The following KCNH8 variants were observed in gnomAD, a reference collection of about 807,000 sequenced individuals.
KCNH8 encodes the protein potassium voltage-gated channel subfamily H member 8.
In KCNH8, 70 loss-of-function variants were observed where a neutral mutation model predicts 103.6. The observed-to-expected ratio is 0.68, with a 90% CI of 0.56 to 0.82. The LOEUF (loss-of-function observed/expected upper bound fraction) is 0.82. KCNH8 is among the 40% of genes least tolerant of loss of function. KCNH8 has a pLI of 0.00. For synonymous variants in KCNH8, 498 were observed against 489.4 expected (o/e 1.02, Z -0.23); for missense variants, 1,217 against 1,329.9 (o/e 0.92, Z 1.32).
chr3:19,239,157 T>A (rs915401105), intron 1 of KCNH8, among the ~76,000 whole-genome samples: 3 of 151,884 alleles, frequency 2.0e-5, no homozygotes, highest in African/African-American at 7.3e-5. Flanking sequence ...AAATAGGACT[T>A]TTTTTTTCAC....
intron 1 of KCNH8, among the ~76,000 whole-genome samples, chr3:19,253,423 T>C (rs1355098936): frequency 1.3e-5 from 2 of 151,926 alleles, no homozygotes; most frequent in Non-Finnish European, 2.9e-5. Flanking sequence ...AGTGAACATG[T>C]ATGTTTCTTC....
chr3:19,404,909 T>C (rs2066669274), intron 7 of KCNH8, among the ~76,000 whole-genome samples: 1 of 151,908 alleles, frequency 6.6e-6, no homozygotes, highest in Non-Finnish European at 1.5e-5. Flanking sequence ...TTTTCTTCTG[T>C]TGACAGTATA....
chr3:19,378,845 C>T (rs910312442), intron 5 of KCNH8, among the ~76,000 whole-genome samples: 1 of 152,182 alleles, frequency 6.6e-6, no homozygotes, highest in South Asian at 2.1e-4. Flanking sequence ...GTAAAAAATT[C>T]TCCTTGCAAA....
intron 15 of KCNH8, among the ~76,000 whole-genome samples, chr3:19,520,368 G>A (rs915181965): frequency 6.6e-5 from 10 of 151,754 alleles, no homozygotes; most frequent in East Asian, 1.9e-4. Flanking sequence ...ATTCTTCGTC[G>A]AAGATTAAGT....
At chr3:19,493,638 A>C (rs189531743) in intron 11 of KCNH8, among the ~76,000 whole-genome samples, 26 of 152,264 alleles carry the variant, frequency 1.7e-4, no homozygotes, top group African/African-American at 6.3e-4. Context: ...GCAGTGAGAA[A>C]ATTGGCAAAT....
intron 2 of KCNH8, among the ~76,000 whole-genome samples, chr3:19,263,224 C>G (rs1440036725): frequency 6.6e-6 from 1 of 151,960 alleles, no homozygotes; most frequent in Non-Finnish European, 1.5e-5. Flanking sequence ...AATATGAGAC[C>G]TTGTAATATT....
At chr3:19,491,403 C>T (rs1005413724) in intron 11 of KCNH8, among the ~76,000 whole-genome samples, 1 of 152,156 alleles carries the variant, frequency 6.6e-6, no homozygotes, top group African/African-American at 2.4e-5. Flanking sequence ...TGTTTAGCTA[C>T]CATTTGTAAA....
At chr3:19,499,790 C>T (rs1389578397) in intron 11 of KCNH8, among the ~76,000 whole-genome samples, 5 of 152,066 alleles carry the variant, frequency 3.3e-5, no homozygotes, top group South Asian at 2.1e-4. Flanking sequence ...CTGAAGGAAG[C>T]GCTAAACATG....
At chr3:19,403,399 T>TATATATATATAAAA (rs1491066162) in intron 7 of KCNH8, among the ~76,000 whole-genome samples, 2 of 139,766 alleles carry the variant, frequency 1.4e-5, no homozygotes, top group East Asian at 4.5e-4. Context: ...TATATATATA[T>TATATATATATAAAA]AAAATCCTTC....
chr3:19,500,523 A>T (rs2068555951), intron 11 of KCNH8, among the ~76,000 whole-genome samples: 1 of 152,212 alleles, frequency 6.6e-6, no homozygotes, highest in African/African-American at 2.4e-5. Context: ...TTGACCACGT[A>T]CTTGGAAGTA....
intron 1 of KCNH8, among the ~76,000 whole-genome samples, chr3:19,176,749 T>C (rs1476579606): frequency 6.6e-6 from 1 of 152,158 alleles, no homozygotes; most frequent in Non-Finnish European, 1.5e-5. Flanking sequence ...GTTTTGTGTG[T>C]ATATGATATA....
chr3:19,169,802 A>G (rs903838099), intron 1 of KCNH8, among the ~76,000 whole-genome samples: 4 of 152,244 alleles, frequency 2.6e-5, no homozygotes, highest in African/African-American at 9.6e-5. Flanking sequence ...AGCTCCAGCT[A>G]AAGTGAATTT....
At chr3:19,499,518 A>G (rs1457871752) in intron 11 of KCNH8, among the ~76,000 whole-genome samples, 1 of 152,200 alleles carries the variant, frequency 6.6e-6, no homozygotes, top group East Asian at 1.9e-4. Context: ...ATGAAGGAAA[A>G]AATGTTAAGG....
chr3:19,457,094 A>G, intron 11 of KCNH8, 112 bp downstream of exon 11: 5 of 639,998 alleles, frequency 7.8e-6, no homozygotes, highest in Non-Finnish European at 1.3e-5. Flanking sequence ...CTGAATATCT[A>G]AGACGTGAAT....
intron 1 of KCNH8, among the ~76,000 whole-genome samples, chr3:19,194,291 T>C (rs1188133458): frequency 1.3e-5 from 2 of 151,896 alleles, no homozygotes; most frequent in Non-Finnish European, 2.9e-5. Context: ...CTGTTGGTGA[T>C]GGTATTGTTA....
Position 19,170,182 on chromosome 3 carries a change from A to G in KCNH8, c.76+21387A>G, listed in dbSNP as rs184053047. On this transcript the variant is annotated intron_variant, in intron 1 of 15. Coordinates refer to ENST00000328405, the MANE Select transcript of KCNH8 (RefSeq NM_144633.3). The stretch of plus-strand genomic sequence containing the variant: ...ACACACATGAATATTGAGGAAAAAA[A>G]CATTCTAAGTATGTCTCTAAAATTG... Among the ~76,000 whole-genome samples the G allele has an allele frequency of 1.6e-3, 243 of 152,284 alleles. 1 individual carries two copies. Among genetic ancestry groups the G allele is most frequent in the African/African-American group, 4.1e-3 (171 of 41,562 alleles).
intron 14 of KCNH8, among the ~76,000 whole-genome samples, chr3:19,516,640 C>T (rs2068879182): frequency 6.6e-6 from 1 of 151,910 alleles, no homozygotes; most frequent in Admixed American, 6.6e-5. Flanking sequence ...CTAGTCCTAC[C>T]ACTCTCTTAG....
intron 8 of KCNH8, among the ~76,000 whole-genome samples, chr3:19,438,830 T>C (rs958700159): frequency 5.9e-5 from 9 of 152,208 alleles, no homozygotes; most frequent in Non-Finnish European, 1.0e-4. Context: ...CTTGAAACTA[T>C]GGATCAAGTC....
intron 3 of KCNH8, among the ~76,000 whole-genome samples, chr3:19,337,804 T>C (rs978773504): frequency 4.6e-5 from 7 of 152,056 alleles, no homozygotes; most frequent in African/African-American, 1.7e-4. Flanking sequence ...TCTAATAAAA[T>C]CACACATTAC....
Sources: gnomAD v4.1 joint callset for allele counts (sites outside exome capture counted in the v4.1 genomes callset) on GRCh38, gnomAD v4.1.1 for gene constraint, MANE v1.5 for transcripts, NCBI Gene and HGNC (gene_info 2026-07-23, HGNC 2026-07-21) for gene names.